STXBP6: variants seen among roughly 807,000 people sequenced by gnomAD.
The protein encoded by STXBP6 is syntaxin binding protein 6.
In STXBP6, 21 loss-of-function variants were observed where a neutral mutation model predicts 26.9. The observed-to-expected ratio is 0.78, with a 90% CI of 0.55 to 1.12. The LOEUF is 1.12. Among genes scored for constraint, STXBP6 ranks in the 50% most tolerant of loss-of-function variants. The pLI, the probability that STXBP6 is intolerant of heterozygous loss-of-function variation, is 0.00. For synonymous variants in STXBP6, 97 were observed against 92.6 expected (o/e 1.05, Z -0.27); for missense variants, 232 against 257.9 (o/e 0.90, Z 0.69).
chr14:24,946,731 C>T (rs2073005859), intron 2 of STXBP6, among the ~76,000 whole-genome samples: 1 of 152,106 alleles, frequency 6.6e-6, no homozygotes, highest in Non-Finnish European at 1.5e-5. Flanking sequence ...TGGCAGAGGG[C>T]CTGGAGTCCT....
At chr14:24,861,726 A>G (rs980351479) in intron 2 of STXBP6, among the ~76,000 whole-genome samples, 2 of 152,216 alleles carry the variant, frequency 1.3e-5, no homozygotes, top group African/African-American at 4.8e-5. Flanking sequence ...GAAATGGAGC[A>G]TGGTGCTCTC....
intron 4 of STXBP6, among the ~76,000 whole-genome samples, chr14:24,822,239 G>A (rs749404931): frequency 3.9e-5 from 6 of 151,974 alleles, no homozygotes; most frequent in Non-Finnish European, 5.9e-5. Flanking sequence ...GAATCCAGCC[G>A]GAAATCTGGG....
At chr14:24,971,961 T>A (rs1180687498) in intron 2 of STXBP6, among the ~76,000 whole-genome samples, 2 of 152,210 alleles carry the variant, frequency 1.3e-5, no homozygotes. Flanking sequence ...TAATTGCTAA[T>A]TAAAACATTA....
intron 2 of STXBP6, among the ~76,000 whole-genome samples, chr14:24,911,996 T>G (rs1012598821): frequency 8.5e-5 from 13 of 152,170 alleles, no homozygotes; most frequent in African/African-American, 3.1e-4. Flanking sequence ...AGTGTGGTAT[T>G]TTGAGTCTTT....
At chr14:24,928,412 CT>C (rs996784302) in intron 2 of STXBP6, among the ~76,000 whole-genome samples, 70 of 149,152 alleles carry the variant, frequency 4.7e-4, no homozygotes, top group African/African-American at 1.7e-3. Context: ...TCCAAGTTTT[CT>C]TTTTATTCTG....
chr14:25,006,656 C>T (rs1392509365), intron 1 of STXBP6, among the ~76,000 whole-genome samples: 1 of 152,178 alleles, frequency 6.6e-6, no homozygotes, highest in Non-Finnish European at 1.5e-5. Context: ...AAAATATATT[C>T]ACGAGGGGTT....
At position 25,049,342 on chromosome 14, in the gene STXBP6, G is replaced by A; in HGVS notation, c.-33+536C>T. The A allele has an allele frequency of 2.0e-6, 2 of 985,424 alleles. No homozygotes were observed. Among genetic ancestry groups the A allele is most frequent in the Non-Finnish European group, 2.4e-6 (2 of 829,942 alleles). 61.0% of individuals were successfully genotyped at this position (985,424 alleles called of 1,614,324 possible). ...GCATCGCCCAGGGCCAGCGCCCTGG[G>A]GGCAGGGTGCCGTGCCCGCCAGAAA... is the stretch of plus-strand genomic sequence containing the variant. On this transcript the variant is annotated intron_variant, in intron 1 of 5. Coordinates refer to ENST00000323944, the MANE Select transcript of STXBP6 (RefSeq NM_001394410.1). This position sits in a 1 kb window ranked among gnomAD's most constrained non-coding sequence, Gnocchi z 5.6.
At chr14:24,938,198 C>T (rs1021227894) in intron 2 of STXBP6, among the ~76,000 whole-genome samples, 3 of 152,044 alleles carry the variant, frequency 2.0e-5, no homozygotes, top group African/African-American at 7.2e-5. Context: ...TTTTTTCTCA[C>T]GCAAGAGCAG....
chr14:24,937,949 C>T (rs763299178), intron 2 of STXBP6, among the ~76,000 whole-genome samples: 2 of 152,204 alleles, frequency 1.3e-5, no homozygotes, highest in South Asian at 2.1e-4. Context: ...TCAAAAATCA[C>T]TCAGCCTTTG....
intron 2 of STXBP6, among the ~76,000 whole-genome samples, chr14:24,923,892 A>T (rs2072070554): frequency 1.3e-5 from 2 of 152,104 alleles, no homozygotes; most frequent in South Asian, 4.1e-4. Context: ...ATGGTGTTTT[A>T]GTGTCAAGAA....
intron 1 of STXBP6, among the ~76,000 whole-genome samples, chr14:25,015,320 G>C (rs1270945503): frequency 6.6e-6 from 1 of 152,052 alleles, no homozygotes; most frequent in Non-Finnish European, 1.5e-5. Flanking sequence ...AGATATCTGG[G>C]ACCTAATGAA....
rs76023238 is a variant in STXBP6, at chr14:24,938,689, T to G, written c.154+35976A>C. 7.2e-5 allele frequency among the ~76,000 whole-genome samples: 11 copies of G among 152,150 alleles called. No individual in the cohort carries two copies. In the East Asian group the frequency reaches 2.1e-3, roughly 29 times the overall value. On this transcript the variant is annotated intron_variant, in intron 2 of 5. Transcript: ENST00000323944. ...TGACATTTACATTTTAAAATATTAT[T>G]TATTTGTTTTTAATGGAGGCAAGTT...
At chr14:24,984,225 T>C (rs1250127933) in intron 1 of STXBP6, among the ~76,000 whole-genome samples, 1 of 152,274 alleles carries the variant, frequency 6.6e-6, no homozygotes, top group East Asian at 1.9e-4. Flanking sequence ...AGTGAGACTC[T>C]GTCTTAAAAA....
chr14:25,016,437 G>C (rs996738988), intron 1 of STXBP6, among the ~76,000 whole-genome samples: 1 of 152,140 alleles, frequency 6.6e-6, no homozygotes, highest in African/African-American at 2.4e-5. Context: ...TGAGGTCCTA[G>C]GCAATCCTCA....
chr14:24,833,471 C>A (rs2068518992), intron 4 of STXBP6, among the ~76,000 whole-genome samples: 1 of 152,080 alleles, frequency 6.6e-6, no homozygotes, highest in Non-Finnish European at 1.5e-5. Flanking sequence ...TTTGTTATCT[C>A]CAGGCAAAAC....
chr14:24,962,594 C>G (rs117802425), intron 2 of STXBP6, among the ~76,000 whole-genome samples: 1 of 152,026 alleles, frequency 6.6e-6, no homozygotes, highest in African/African-American at 2.4e-5. Context: ...TCCCAAAGTG[C>G]TGGGATTACA....
intron 1 of STXBP6, among the ~76,000 whole-genome samples, chr14:25,000,209 C>A (rs2140326191): frequency 6.6e-6 from 1 of 152,150 alleles, no homozygotes; most frequent in African/African-American, 2.4e-5. Flanking sequence ...ACTACAGGCG[C>A]CTGCCACCAC....
At position 24,902,371 on chromosome 14, in the gene STXBP6, T is replaced by C. The variant is rs1050544812; in HGVS notation, c.155-45214A>G. On this transcript the variant is annotated intron_variant, in intron 2 of 5. Transcript: ENST00000323944. ...ATACAGCAAAAGAAAAAGCTGGATA[T>C]AGAGTGTATATGGTTGCTATGGACT... 2.6e-5 allele frequency among the ~76,000 whole-genome samples: 4 copies of C among 152,150 alleles called. No individual in the cohort carries two copies. In the South Asian group the frequency reaches 8.3e-4, roughly 31 times the overall value.
At chr14:24,907,492 G>A (rs891422391) in intron 2 of STXBP6, among the ~76,000 whole-genome samples, 2 of 152,100 alleles carry the variant, frequency 1.3e-5, no homozygotes, top group Non-Finnish European at 2.9e-5. Context: ...GAAAAGATTG[G>A]AAAAACACAC....
Sources: gnomAD v4.1 joint callset for allele counts (sites outside exome capture counted in the v4.1 genomes callset) on GRCh38, gnomAD v4.1.1 for gene constraint, Gnocchi (gnomAD v3.1) non-coding constraint, MANE v1.5 for transcripts, NCBI Gene and HGNC (gene_info 2026-07-23, HGNC 2026-07-21) for gene names.